Variants in DACH1 observed in about 807,000 individuals in gnomAD.
DACH1 encodes dachshund homolog 1.
DACH1 carries 12 observed loss-of-function variants against 54.2 expected under a neutral mutation model. The ratio of observed to expected loss-of-function variants is 0.22; its 90% CI spans 0.14 to 0.36. The LOEUF (loss-of-function observed/expected upper bound fraction) is 0.36. Among genes scored for constraint, DACH1 ranks in the 10% least tolerant of loss-of-function variants. DACH1 has a pLI of 1.00. For synonymous variants in DACH1, 386 were observed against 366.2 expected (o/e 1.05, Z -0.62); for missense variants, 805 against 929.8 (o/e 0.87, Z 1.75).
intron 1 of DACH1, among the ~76,000 whole-genome samples, chr13:71,826,634 AAT>A (rs1441759973): frequency 6.6e-6 from 1 of 152,124 alleles, no homozygotes; most frequent in Admixed American, 6.6e-5. Context: ...AGTAAAATAA[AAT>A]ATGATTAATT....
At chr13:71,705,844 G>A (rs1594118251) in intron 1 of DACH1, among the ~76,000 whole-genome samples, 1 of 151,632 alleles carries the variant, frequency 6.6e-6, no homozygotes. Context: ...TTATCATATG[G>A]TTCATACAAA....
At chr13:71,707,832 G>A (rs1029367034) in intron 1 of DACH1, among the ~76,000 whole-genome samples, 2 of 152,130 alleles carry the variant, frequency 1.3e-5, no homozygotes, top group Non-Finnish European at 2.9e-5. Context: ...ATAACAGGCT[G>A]TAGGAGAACA....
At chr13:71,791,407 T>G in intron 1 of DACH1, among the ~76,000 whole-genome samples, 1 of 152,204 alleles carries the variant, frequency 6.6e-6, no homozygotes, top group African/African-American at 2.4e-5. Flanking sequence ...GAAGTCTCAC[T>G]CTGTCCCCCA....
intron 4 of DACH1, among the ~76,000 whole-genome samples, chr13:71,570,609 A>C (rs1457183299): frequency 6.6e-6 from 1 of 152,156 alleles, no homozygotes; most frequent in African/African-American, 2.4e-5. Flanking sequence ...TTGCAACAGG[A>C]GAAGAAGTGA....
chr13:71,727,901 T>G (rs2137902441), intron 1 of DACH1, among the ~76,000 whole-genome samples: 1 of 152,212 alleles, frequency 6.6e-6, no homozygotes, highest in Admixed American at 6.5e-5. Context: ...GTTAATTCAC[T>G]TGTCTTCTCT....
At chr13:71,721,984 T>C (rs939786240) in intron 1 of DACH1, among the ~76,000 whole-genome samples, 8 of 152,146 alleles carry the variant, frequency 5.3e-5, no homozygotes, top group Non-Finnish European at 1.0e-4. Flanking sequence ...AATTATGCTC[T>C]TAGGCAATTA....
chr13:71,666,453 T>C (rs1347379116), intron 2 of DACH1, among the ~76,000 whole-genome samples: 2 of 152,184 alleles, frequency 1.3e-5, no homozygotes, highest in Admixed American at 6.5e-5. Context: ...TAAATTTGAA[T>C]AAGCCTTTTA....
At chr13:71,823,823 G>T (rs1348419020) in intron 1 of DACH1, among the ~76,000 whole-genome samples, 1 of 151,768 alleles carries the variant, frequency 6.6e-6, no homozygotes, top group Non-Finnish European at 1.5e-5. Flanking sequence ...ACAAAAGAAG[G>T]CTATTTGTCT....
In DACH1 at chr13:71,438,157, C is replaced by A. The variant is rs936388315; in HGVS notation, c.*2498G>T. ...TTTGTACAACAAAATTCGTAATAAC[C>A]TTTTATCATTTTTAGAAAACTTTAA... On this transcript the variant is annotated 3_prime_UTR_variant, in exon 11 of 11. Transcript: ENST00000613252. 11 of 152,234 alleles carry A rather than the reference C, an allele frequency of 7.2e-5. No individual in the cohort carries two copies. The highest frequency in any genetic ancestry group is 2.7e-4 in the African/African-American group (11 of 41,386). 9.4% of individuals were successfully genotyped at this position (152,234 alleles called of 1,614,324 possible).
intron 1 of DACH1, among the ~76,000 whole-genome samples, chr13:71,854,172 T>C (rs1166987382): frequency 6.6e-6 from 1 of 152,184 alleles, no homozygotes; most frequent in Non-Finnish European, 1.5e-5. Context: ...TTGTATTATA[T>C]TTCACAATTT....
chr13:71,476,625 T>A (rs574339036), intron 8 of DACH1, among the ~76,000 whole-genome samples: 2 of 152,150 alleles, frequency 1.3e-5, no homozygotes, highest in South Asian at 4.2e-4. Flanking sequence ...CTTTTATATT[T>A]AAAAAAATAG....
intron 1 of DACH1, among the ~76,000 whole-genome samples, chr13:71,751,305 C>G (rs1233062974): frequency 6.6e-6 from 1 of 152,174 alleles, no homozygotes; most frequent in Non-Finnish European, 1.5e-5. Flanking sequence ...TAACATCACA[C>G]TGCATTCTTA....
At chr13:71,621,486 G>A (rs942483582) in intron 3 of DACH1, among the ~76,000 whole-genome samples, 8 of 152,066 alleles carry the variant, frequency 5.3e-5, no homozygotes, top group East Asian at 1.9e-4. Context: ...CAATCCATTC[G>A]CTATTAGGTG....
intron 1 of DACH1, among the ~76,000 whole-genome samples, chr13:71,723,200 G>C (rs944234890): frequency 1.3e-5 from 2 of 150,676 alleles, no homozygotes; most frequent in Non-Finnish European, 2.9e-5. Context: ...CCAGGAGTTT[G>C]AGAACCAGCC....
intron 6 of DACH1, among the ~76,000 whole-genome samples, chr13:71,509,326 A>T (rs1272329255): frequency 6.6e-6 from 1 of 152,186 alleles, no homozygotes; most frequent in Non-Finnish European, 1.5e-5. Context: ...CATGAAACAG[A>T]TCAGAAACTG....
intron 3 of DACH1, among the ~76,000 whole-genome samples, chr13:71,610,092 G>A (rs1368515414): frequency 1.3e-5 from 2 of 151,400 alleles, no homozygotes; most frequent in African/African-American, 2.4e-5. Context: ...AAACTACACT[G>A]ATAGAAAAAA....
At chr13:71,824,053 T>TA (rs1156316009) in intron 1 of DACH1, among the ~76,000 whole-genome samples, 2 of 151,928 alleles carry the variant, frequency 1.3e-5, no homozygotes. Context: ...ACATGCCATG[T>TA]AATAAAAGAA....
At chr13:71,452,052 G>C (rs776722346) in intron 10 of DACH1, among the ~76,000 whole-genome samples, 25 of 152,102 alleles carry the variant, frequency 1.6e-4, no homozygotes, top group Non-Finnish European at 3.1e-4. Context: ...GATGAATCTT[G>C]GTAAAGAATA....
At chr13:71,752,709 A>C (rs1168099288) in intron 1 of DACH1, among the ~76,000 whole-genome samples, 1 of 152,218 alleles carries the variant, frequency 6.6e-6, no homozygotes, top group African/African-American at 2.4e-5. Flanking sequence ...GTTGCCAGCA[A>C]GAATCCAAAA....
Sources: allele counts gnomAD v4.1 joint callset (sites outside exome capture counted in the v4.1 genomes callset), GRCh38; gene constraint gnomAD v4.1.1; transcripts MANE v1.5; gene names NCBI Gene and HGNC (gene_info 2026-07-23, HGNC 2026-07-21).